PTPN22: variants seen among roughly 807,000 people sequenced by gnomAD.
PTPN22 encodes tyrosine-protein phosphatase non-receptor type 22.
In PTPN22, 85 loss-of-function variants were observed where a neutral mutation model predicts 103.3. The ratio of observed to expected loss-of-function variants is 0.82; its 90% CI spans 0.69 to 0.99. The LOEUF (loss-of-function observed/expected upper bound fraction) is 0.99, where lower values mean the gene tolerates loss of function less well. Ranked by LOEUF, PTPN22 falls within the 50% of genes least tolerant of loss-of-function variation. The probability of loss-of-function intolerance (pLI) is 0.00; values close to 1 mark genes in which losing one functional copy is unlikely to be tolerated. For synonymous variants in PTPN22, 323 were observed against 310.2 expected (o/e 1.04, Z -0.43); for missense variants, 865 against 936.9 (o/e 0.92, Z 1.00).
chr1:113,839,932 C>CTGCG (rs1220472162), intron 11 of PTPN22, among the ~76,000 whole-genome samples: 1 of 151,800 alleles, frequency 6.6e-6, no homozygotes, highest in Non-Finnish European at 1.5e-5. Flanking sequence ...GAAAAAAAGG[C>CTGCG]TGCGCACAGT....
At chr1:113,814,366 C>G (rs967970086) in exon 21 of PTPN22, 2 of 152,136 alleles carry the variant, frequency 1.3e-5, no homozygotes, top group Non-Finnish European at 2.9e-5. Flanking sequence ...AATATAATTT[C>G]TCATTTTCTT....
chr1:113,834,200 A>G (rs1289977583), intron 15 of PTPN22, 109 bp downstream of exon 15: 4 of 1,155,588 alleles, frequency 3.5e-6, no homozygotes, highest in South Asian at 1.5e-5. Context: ...ACATTGTTCT[A>G]TATTTAGTAT....
intron 9 of PTPN22, among the ~76,000 whole-genome samples, chr1:113,853,210 T>C (rs759314225): frequency 6.6e-6 from 1 of 152,060 alleles, no homozygotes; most frequent in East Asian, 1.9e-4. Context: ...AGTGCTGAGA[T>C]TACAGGCATG....
intron 3 of PTPN22, 28 bp from the exon 4 acceptor site, chr1:113,858,601 T>G (rs2102125830): frequency 7.2e-7 from 1 of 1,383,728 alleles, no homozygotes; most frequent in Non-Finnish European, 1.0e-6. Flanking sequence ...TTACACGGGG[T>G]GACTACAAAT....
At chr1:113,825,318 A>G (rs901465298) in intron 18 of PTPN22, 146 bp from the exon 19 acceptor site, 2 of 602,124 alleles carry the variant, frequency 3.3e-6, no homozygotes, top group African/African-American at 1.9e-5. Flanking sequence ...CCATCTTGCC[A>G]TTTTTAATTC....
chr1:113,844,677 T>C (rs1210371467), intron 11 of PTPN22, among the ~76,000 whole-genome samples: 2 of 152,258 alleles, frequency 1.3e-5, no homozygotes, highest in Admixed American at 6.5e-5. Flanking sequence ...TATTTTCATT[T>C]TTGTTTAATT....
At chr1:113,849,014 C>T (rs538791620) in intron 10 of PTPN22, among the ~76,000 whole-genome samples, 2 of 152,034 alleles carry the variant, frequency 1.3e-5, no homozygotes, top group African/African-American at 4.8e-5. Context: ...CAACCTTCAT[C>T]TTTTCTGGAA....
At chr1:113,862,917 G>A (rs1402826731) in intron 1 of PTPN22, among the ~76,000 whole-genome samples, 2 of 152,184 alleles carry the variant, frequency 1.3e-5, no homozygotes, top group Non-Finnish European at 2.9e-5. Context: ...TTGTACGAGC[G>A]TGCAATGCAA....
At chr1:113,858,413 A>G in intron 4 of PTPN22, 65 bp downstream of exon 4, 1 of 1,251,694 alleles carries the variant, frequency 8.0e-7, no homozygotes, top group Non-Finnish European at 1.1e-6. Flanking sequence ...CCACTGACCA[A>G]TTTTTTAAAA....
intron 15 of PTPN22, 65 bp from the exon 16 acceptor site, chr1:113,833,203 C>A: frequency 3.1e-6 from 4 of 1,301,296 alleles, no homozygotes; most frequent in Non-Finnish European, 4.2e-6. Context: ...AAACTCAAAG[C>A]AAAAAATGGC....
intron 18 of PTPN22, 79 bp downstream of exon 18, chr1:113,829,513 C>T: frequency 1.4e-5 from 9 of 658,554 alleles, no homozygotes; most frequent in South Asian, 5.6e-5. Context: ...TCTAATTTTC[C>T]ATCTTAATGC....
intron 11 of PTPN22, among the ~76,000 whole-genome samples, chr1:113,843,677 T>C (rs1191500440): frequency 6.6e-6 from 1 of 152,178 alleles, no homozygotes; most frequent in Non-Finnish European, 1.5e-5. Context: ...AAATAGTAAA[T>C]TAAAATGATA....
At chr1:113,858,410 C>A in intron 4 of PTPN22, 68 bp downstream of exon 4, 1 of 1,181,626 alleles carries the variant, frequency 8.5e-7, no homozygotes, top group Non-Finnish European at 1.2e-6. Flanking sequence ...GTTCCACTGA[C>A]CAATTTTTTA....
chr1:113,834,275 T>C (rs1389747826), intron 15 of PTPN22, 34 bp downstream of exon 15: 2 of 1,599,714 alleles, frequency 1.3e-6, no homozygotes. Context: ...GTCTATTGAA[T>C]CTAAATGAGT....
intron 18 of PTPN22, among the ~76,000 whole-genome samples, chr1:113,826,731 G>A (rs1662107373): frequency 7.0e-6 from 1 of 141,966 alleles, no homozygotes; most frequent in African/African-American, 2.6e-5. Flanking sequence ...GTGCAGTGGC[G>A]GGATCTCGGC....
intron 13 of PTPN22, among the ~76,000 whole-genome samples, chr1:113,835,937 T>G (rs1303220712): frequency 3.3e-5 from 2 of 61,244 alleles, no homozygotes; most frequent in Non-Finnish European, 3.4e-5. Context: ...TTTTTATTAA[T>G]TAATTTTTTT....
intron 19 of PTPN22, among the ~76,000 whole-genome samples, chr1:113,824,138 G>A (rs1661848202): frequency 6.8e-6 from 1 of 146,810 alleles, no homozygotes; most frequent in African/African-American, 2.5e-5. Context: ...GTCTCGCTCT[G>A]TTGCCCAGAC....
At chr1:113,841,197 C>T (rs1485350502) in intron 11 of PTPN22, among the ~76,000 whole-genome samples, 1 of 151,698 alleles carries the variant, frequency 6.6e-6, no homozygotes, top group Non-Finnish European at 1.5e-5. Flanking sequence ...GCACTCCACC[C>T]TGGGCAGCAA....
intron 9 of PTPN22, 76 bp from the exon 10 acceptor site, chr1:113,852,180 C>T (rs1347819776): frequency 2.7e-6 from 3 of 1,098,812 alleles, no homozygotes; most frequent in Non-Finnish European, 4.0e-6. Flanking sequence ...TAGTCTTGTA[C>T]TTCCATGGCA....
Sources: gnomAD v4.1 joint callset for allele counts (sites outside exome capture counted in the v4.1 genomes callset) on GRCh38, gnomAD v4.1.1 for gene constraint, MANE v1.5 for transcripts, NCBI Gene and HGNC (gene_info 2026-07-23, HGNC 2026-07-21) for gene names.